The following GNAO1 variants were observed in gnomAD, a reference collection of about 807,000 sequenced individuals.
The protein encoded by GNAO1 is G protein subunit alpha o1.
For missense variants in GNAO1, 166 were observed against 478.7 expected (o/e 0.35, Z 6.10); for synonymous variants, 164 against 180.7 (o/e 0.91, Z 0.74).
chr16:56,286,695 CTGTGTGTGTGTGTG>C (rs57968280), intron 3 of GNAO1, among the ~76,000 whole-genome samples: 234 of 145,000 alleles, frequency 1.6e-3, no homozygotes, highest in African/African-American at 5.7e-3. Context: ...TCTGTCGCCT[CTGTGTGTGTGTGTG>C]TGTGTGTGTG....
intron 3 of GNAO1, among the ~76,000 whole-genome samples, chr16:56,288,460 A>G (rs1189730941): frequency 1.3e-5 from 2 of 152,230 alleles, no homozygotes; most frequent in Admixed American, 6.5e-5. Flanking sequence ...AGGAAGTAAG[A>G]CCAGAGCACA....
chr16:56,300,695 A>G (rs1174940887), intron 3 of GNAO1: 1 of 152,188 alleles, frequency 6.6e-6, no homozygotes, highest in Non-Finnish European at 1.5e-5. Context: ...TATTTGGCCT[A>G]TCCCTGACCA....
At chr16:56,291,412 G>A (rs973847681) in intron 3 of GNAO1, among the ~76,000 whole-genome samples, 3 of 152,164 alleles carry the variant, frequency 2.0e-5, no homozygotes, top group African/African-American at 7.2e-5. Context: ...ATTTTCTTCA[G>A]AGAAATGTCT....
At chr16:56,221,057 T>A (rs1245061218) in intron 2 of GNAO1, among the ~76,000 whole-genome samples, 2 of 151,944 alleles carry the variant, frequency 1.3e-5, no homozygotes, top group Admixed American at 1.3e-4. Flanking sequence ...TGGATTAGCG[T>A]TTTAATAAAA....
chr16:56,223,397 C>A (rs578117779), intron 2 of GNAO1, among the ~76,000 whole-genome samples: 6 of 152,336 alleles, frequency 3.9e-5, no homozygotes, highest in Admixed American at 6.5e-5. Context: ...ATTGTTATAT[C>A]TCTCTCTCTT....
intron 2 of GNAO1, among the ~76,000 whole-genome samples, chr16:56,222,655 C>T (rs1487122551): frequency 1.3e-5 from 2 of 152,188 alleles, no homozygotes; most frequent in Non-Finnish European, 1.5e-5. Context: ...GAGGCTCGCC[C>T]TGGAGCCTGG....
chr16:56,283,280 A>G (rs1433281097), intron 3 of GNAO1, among the ~76,000 whole-genome samples: 7 of 152,144 alleles, frequency 4.6e-5, no homozygotes, highest in Admixed American at 3.9e-4. Context: ...GCACGACCCT[A>G]ACAGGGGGCT....
intron 2 of GNAO1, among the ~76,000 whole-genome samples, chr16:56,253,851 A>G (rs1385714236): frequency 1.3e-5 from 2 of 152,118 alleles, no homozygotes; most frequent in African/African-American, 2.4e-5. Flanking sequence ...GGAGATGCCA[A>G]CTCTTCCTGG....
rs186035788 is a variant in GNAO1 at position 56,219,147 on chromosome 16, C to T, written c.161+26531C>T. Reference sequence around the variant, plus strand: ...ACCTAATGTCAAGGACACGTGCCAACGGACATGTTAGTGCACCCCGGGAGT... The same window carrying T: ...ACCTAATGTCAAGGACACGTGCCAATGGACATGTTAGTGCACCCCGGGAGT... On this transcript the variant is annotated intron_variant, in intron 2 of 8. Transcript: ENST00000262493. Among the ~76,000 whole-genome samples, 282 of 152,296 alleles carry T rather than the reference C, an allele frequency of 1.9e-3. 3 individuals are homozygous for T. The highest frequency in any genetic ancestry group is 1.3e-3 in the Non-Finnish European group (86 of 68,032).
At chr16:56,278,677 A>T (rs534218146) in intron 3 of GNAO1, among the ~76,000 whole-genome samples, 8 of 152,174 alleles carry the variant, frequency 5.3e-5, no homozygotes, top group Admixed American at 4.6e-4. Context: ...ATAATGTCAG[A>T]TAATGCTAAG....
intron 2 of GNAO1, among the ~76,000 whole-genome samples, chr16:56,262,663 T>C (rs955292749): frequency 2.6e-5 from 4 of 152,210 alleles, no homozygotes; most frequent in Non-Finnish European, 5.9e-5. Context: ...ACAGTATTGT[T>C]TATATACTAA....
intron 2 of GNAO1, among the ~76,000 whole-genome samples, chr16:56,224,973 C>T (rs2036521923): frequency 1.3e-5 from 2 of 152,228 alleles, no homozygotes; most frequent in South Asian, 2.1e-4. Context: ...CCAAGGGCTT[C>T]TGGCTCCACT....
At chr16:56,225,582 G>T (rs1408918870) in intron 2 of GNAO1, among the ~76,000 whole-genome samples, 6 of 152,268 alleles carry the variant, frequency 3.9e-5, no homozygotes, top group Admixed American at 6.5e-5. Context: ...AGATCTGATG[G>T]GGCTGGAGCC....
At chr16:56,310,288 G>T (rs1334076028) in intron 3 of GNAO1, among the ~76,000 whole-genome samples, 1 of 152,170 alleles carries the variant, frequency 6.6e-6, no homozygotes, top group Non-Finnish European at 1.5e-5. Flanking sequence ...CTATGATTTT[G>T]CCACTGCACT....
chr16:56,295,273 G>C (rs1219516449), intron 3 of GNAO1, among the ~76,000 whole-genome samples: 1 of 152,184 alleles, frequency 6.6e-6, no homozygotes, highest in Non-Finnish European at 1.5e-5. Flanking sequence ...GGGTCAGACA[G>C]TCCTGGGTCC....
chr16:56,312,881 C>A (rs1218344188), intron 3 of GNAO1, among the ~76,000 whole-genome samples: 1 of 152,218 alleles, frequency 6.6e-6, no homozygotes, highest in African/African-American at 2.4e-5. Context: ...CCTTCTCTCT[C>A]AGCTTGTCTG....
intron 3 of GNAO1, among the ~76,000 whole-genome samples, chr16:56,319,040 C>T (rs1036812678): frequency 2.6e-5 from 4 of 152,194 alleles, no homozygotes; most frequent in African/African-American, 9.7e-5. Context: ...CCCATCATAT[C>T]CTTGGCACCT....
chr16:56,311,872 G>A lies in GNAO1; in HGVS notation c.304-16759G>A, dbSNP rs1309990689. Among the ~76,000 whole-genome samples, 1 of 152,186 alleles carries A rather than the reference G, an allele frequency of 6.6e-6. No individual in the cohort carries two copies. On this transcript the variant is annotated intron_variant, in intron 3 of 8. Transcript: ENST00000262493. The surrounding 1 kb of genome is among the most constrained non-coding windows in gnomAD (Gnocchi z 5.2). ...TGTGTTTTAGTTGACAGGAGTATTT[G>A]TCACCCTTGTTTTTACACCTGTCAC...
chr16:56,328,650 G>A lies in GNAO1; in HGVS notation c.323G>A (p.Cys108Tyr), dbSNP rs1355385627. Residue 108 changes from cysteine (C) to tyrosine (Y), a missense_variant, in exon 4 of 9, where the codon TGT becomes TAT. Physicochemically the swap from Cys to Tyr is radical, Grantham distance 194 (BLOSUM62 -2). Transcript: ENST00000262493. The part of the protein sequence containing the change: ...KERKADAKMV[C>Y]DVVSRMEDTE... ...TCACAGGCTGACGCCAAGATGGTGT[G>A]TGATGTGGTGAGTCGGATGGAAGAC... 2 of 1,614,194 alleles carry A rather than the reference G, an allele frequency of 1.2e-6. No individual in the cohort carries two copies. Among genetic ancestry groups the A allele is most frequent in the Non-Finnish European group, 1.7e-6 (2 of 1,180,012 alleles).
Sources: gnomAD v4.1 joint callset for allele counts (sites outside exome capture counted in the v4.1 genomes callset) on GRCh38, gnomAD v4.1.1 for gene constraint, Gnocchi (gnomAD v3.1) non-coding constraint, MANE v1.5 for transcripts, NCBI Gene and HGNC (gene_info 2026-07-23, HGNC 2026-07-21) for gene names.